The following FN3K variants were observed in gnomAD, a reference collection of about 807,000 sequenced individuals.
FN3K encodes the protein fructosamine 3 kinase, also known as fructosamine-3-kinase.
In FN3K, 24 loss-of-function variants were observed where a neutral mutation model predicts 24.8. That is an observed-to-expected ratio of 0.97 (90% CI 0.70 to 1.36). FN3K has a LOEUF of 1.36. FN3K is among the 40% of genes most tolerant of loss of function. FN3K has a pLI of 0.00. For synonymous variants in FN3K, 192 were observed against 175.2 expected (o/e 1.10, Z -0.76); for missense variants, 449 against 416.7 (o/e 1.08, Z -0.67).
chr17:82,746,927 C>T (rs112964299), intron 4 of FN3K, among the ~76,000 whole-genome samples: 24,617 of 151,864 alleles, frequency 0.16, 2,272 homozygotes, highest in South Asian at 0.29. Flanking sequence ...TGGGTTCAAG[C>T]GATTCTCCTG....
intron 4 of FN3K, chr17:82,742,799 G>C (rs1413421184): frequency 2.3e-6 from 1 of 443,466 alleles, no homozygotes; most frequent in East Asian, 7.1e-5. Flanking sequence ...CAAAGTCACT[G>C]CTTCTTGAAG....
In FN3K at chr17:82,738,528, G is replaced by A. The variant is rs1382189375; in HGVS notation, c.181G>A (p.Ala61Thr). Residue 61 changes from alanine to threonine, a missense_variant, in exon 2 of 6, where the codon GCC (alanine) becomes ACC (threonine). Coordinates refer to ENST00000300784, the MANE Select transcript of FN3K (RefSeq NM_022158.4). ...TGAGGGGGAGGTGGCCAGCCTGGAGGCCCTCAGGAGCACGGGCCTGGTGCG... is the reference window on the plus strand; with the variant it reads ...TGAGGGGGAGGTGGCCAGCCTGGAGACCCTCAGGAGCACGGGCCTGGTGCG... ...MFEGEVASLEALRSTGLVRVP... is the reference protein window; with the variant it reads ...MFEGEVASLETLRSTGLVRVP... 2 of 1,612,144 alleles carry A rather than the reference G, an allele frequency of 1.2e-6. No individual in the cohort carries two copies. The highest frequency in any genetic ancestry group is 2.7e-5 in the African/African-American group (2 of 74,892).
rs750259787 is a variant in FN3K, at chr17:82,748,893, C to G, written c.507C>G (p.Ala169=). The change falls in exon 5 of 6, where the codon GCC becomes GCG. Residue 169 remains alanine, a synonymous_variant. Transcript: ENST00000300784. The stretch of plus-strand genomic sequence containing the variant: ...AGGATGACTGGCCGACCTTTTTCGC[C>G]CGGCACCGGCTCCAGGCGCAGCTGG... ...EWQDDWPTFF[A]RHRLQAQLDL... 1 of 1,613,774 alleles carries G rather than the reference C, an allele frequency of 6.2e-7. No homozygotes were observed. Among genetic ancestry groups the G allele is most frequent in the Admixed American group, 1.7e-5 (1 of 60,022 alleles).
In FN3K at chr17:82,735,763, A is replaced by G; in HGVS notation, c.127A>G (p.Asn43Asp). The G allele has an allele frequency of 6.4e-7, 1 of 1,564,102 alleles. No individual in the cohort carries two copies. The highest frequency in any genetic ancestry group is 8.6e-7 in the Non-Finnish European group (1 of 1,156,330). Reference protein sequence around the residue: ...TDAGPVFVKVNRRTQARQMFE... With the variant: ...TDAGPVFVKVDRRTQARQMFE... ...CGCAGGCCCAGTGTTCGTCAAAGTC[A>G]ACCGCAGGACGCAGGTGCTGGCCCG... The change falls in exon 1 of 6, where the codon AAC (asparagine) becomes GAC (aspartate). Residue 43 changes from asparagine (N) to aspartate (D), a missense_variant. Asn to Asp is a conservative substitution (Grantham distance 23). Coordinates refer to ENST00000300784, the MANE Select transcript of FN3K (RefSeq NM_022158.4).
chr17:82,746,093 CAAAAAA>C (rs373867732), intron 4 of FN3K, among the ~76,000 whole-genome samples: 1 of 117,822 alleles, frequency 8.5e-6, no homozygotes, highest in Non-Finnish European at 1.7e-5. Flanking sequence ...GACTCCGTCT[CAAAAAA>C]AAAAAAAAAA....
chr17:82,747,759 A>T (rs1213643323), intron 4 of FN3K, among the ~76,000 whole-genome samples: 2 of 152,014 alleles, frequency 1.3e-5, no homozygotes, highest in Non-Finnish European at 2.9e-5. Context: ...TTCTCAATTT[A>T]TTGAGATCTG....
intron 4 of FN3K, among the ~76,000 whole-genome samples, chr17:82,744,019 G>T (rs1196514563): frequency 2.0e-5 from 3 of 152,268 alleles, no homozygotes; most frequent in Non-Finnish European, 4.4e-5. Flanking sequence ...GAGCTCAGAC[G>T]CTGGGAGCTT....
chr17:82,746,959 G>C (rs1304483066), intron 4 of FN3K, among the ~76,000 whole-genome samples: 1 of 151,912 alleles, frequency 6.6e-6, no homozygotes, highest in Non-Finnish European at 1.5e-5. Flanking sequence ...CAAGCAGCTG[G>C]GACTACAGGC....
chr17:82,735,836 A>G lies in FN3K; in HGVS notation c.141+59A>G, dbSNP rs2046897366. ...GTCTCTGCGGGGCCTGGGAAGGCGG[A>G]GGGGTCGGGGGCAGGCGCATTTCCT... On this transcript the variant is annotated intron_variant, in intron 1 of 5. Coordinates refer to ENST00000300784, the MANE Select transcript of FN3K (RefSeq NM_022158.4). The G allele has an allele frequency of 2.7e-5, 37 of 1,347,066 alleles. No individual in the cohort carries two copies. The South Asian group carries it at 3.8e-4, about 14-fold the overall frequency. 83.4% of individuals were successfully genotyped at this position (1,347,066 alleles called of 1,614,324 possible). A position where few individuals can be genotyped will look rare whatever the true frequency, so the allele number is the denominator to read the frequency against.
Position 82,738,539 on chromosome 17 carries a change from C to G in FN3K, c.192C>G (p.Ser64Arg), listed in dbSNP as rs1366904486. The change falls in exon 2 of 6, where the codon AGC (serine) becomes AGG (arginine). Residue 64 changes from serine to arginine, a missense_variant. Physicochemically the swap from Ser to Arg is moderately radical, Grantham distance 110 (BLOSUM62 -1). Transcript: ENST00000300784. ...GEVASLEALR[S>R]TGLVRVPRPM... ...TGGCCAGCCTGGAGGCCCTCAGGAG[C>G]ACGGGCCTGGTGCGGGTGCCGAGGC... 1.2e-6 allele frequency: 2 copies of G among 1,612,608 alleles called. No individual in the cohort carries two copies. The highest frequency in any genetic ancestry group is 1.7e-6 in the Non-Finnish European group (2 of 1,179,360).
intron 5 of FN3K, chr17:82,749,997 G>C (rs985452549): frequency 6.3e-5 from 14 of 222,848 alleles, no homozygotes; most frequent in Non-Finnish European, 1.2e-4. Context: ...GGCGGAGGTT[G>C]CAGTGAGCCG....
rs768699900 is a variant in FN3K at position 82,750,581 on chromosome 17, TG to T, written c.762del (p.Phe255SerfsTer32). The part of the protein sequence containing the change: ...EFELAIALMF[G>X]GFPRSFFTAY... ...TTGAACTGGCAATCGCCTTGATGTTTGGGGGGTTCCCCAGATCCTTCTTCAC... is the reference window on the plus strand; with the variant it reads ...TTGAACTGGCAATCGCCTTGATGTTTGGGGGTTCCCCAGATCCTTCTTCAC... On this transcript the variant is annotated frameshift_variant, in exon 6 of 6. Coordinates refer to ENST00000300784, the MANE Select transcript of FN3K (RefSeq NM_022158.4). LOFTEE classifies it low-confidence loss of function (END_TRUNC). 1.2e-6 allele frequency: 2 copies of T among 1,614,164 alleles called. No homozygotes were observed. Among genetic ancestry groups the T allele is most frequent in the Admixed American group, 1.7e-5 (1 of 60,034 alleles).
chr17:82,748,032 A>AT (rs1182480342), intron 4 of FN3K, among the ~76,000 whole-genome samples: 2 of 152,054 alleles, frequency 1.3e-5, no homozygotes, highest in Non-Finnish European at 2.9e-5. Context: ...AGGTGTAGGC[A>AT]TTTAGGATTA....
intron 1 of FN3K, chr17:82,736,542 A>C (rs1446575730): frequency 2.0e-5 from 3 of 152,768 alleles, no homozygotes; most frequent in Non-Finnish European, 4.4e-5. Flanking sequence ...GTCTCAAAAA[A>C]AAAAAAGTAT....
rs1471610897 is a variant in FN3K, at chr17:82,735,694, C to T, written c.58C>T (p.Pro20Ser). The T allele has an allele frequency of 2.1e-5, 33 of 1,544,144 alleles. No homozygotes were observed. The highest frequency in any genetic ancestry group is 2.8e-5 in the Non-Finnish European group (32 of 1,147,428). Residue 20 changes from proline to serine, a missense_variant, in exon 1 of 6, where the codon CCC (proline) becomes TCC (serine). Transcript: ENST00000300784. ...RTATLRAFGG[P>S]GAGCISEGRA... ...CGCGACCCTGCGGGCCTTCGGCGGC[C>T]CCGGCGCCGGCTGCATCAGCGAGGG...
In FN3K at chr17:82,748,932, G is replaced by C. The variant is rs865800184; in HGVS notation, c.546G>C (p.Lys182Asn). ...RLQAQLDLIEKDYADREAREL... is the reference protein window; with the variant it reads ...RLQAQLDLIENDYADREAREL... The stretch of plus-strand genomic sequence containing the variant: ...AGGCGCAGCTGGACCTCATTGAGAA[G>C]GACTATGCTGACCGAGAGGCACGAG... Residue 182 changes from lysine to asparagine, a missense_variant, in exon 5 of 6, where the codon AAG becomes AAC. Physicochemically the swap from Lys to Asn is moderately conservative, Grantham distance 94. Transcript: ENST00000300784. 1 of 1,614,206 alleles carries C rather than the reference G, an allele frequency of 6.2e-7. No individual in the cohort carries two copies. The highest frequency in any genetic ancestry group is 8.5e-7 in the Non-Finnish European group (1 of 1,180,050).
In FN3K at chr17:82,749,892, T is replaced by C. The variant is rs187076684; in HGVS notation, c.592-525T>C. The C allele has an allele frequency of 3.9e-5, 7 of 179,472 alleles. No homozygotes were observed. In the East Asian group the frequency reaches 1.0e-3, roughly 26 times the overall value. The allele number at this position is 179,472 out of a possible 1,614,324, so 11.1% of individuals were successfully genotyped here. The stretch of plus-strand genomic sequence containing the variant: ...GGCCAATATGGTGAAACCCCATCTC[T>C]ACTAAAAATACAAAAATTAGCCGGG... On this transcript the variant is annotated intron_variant, in intron 5 of 5. Transcript: ENST00000300784.
chr17:82,739,199 C>T (rs1250611901), intron 2 of FN3K, among the ~76,000 whole-genome samples: 5 of 151,926 alleles, frequency 3.3e-5, no homozygotes, highest in East Asian at 1.9e-4. Context: ...CCACCCACCT[C>T]GGCTTCCCAA....
At chr17:82,743,018 T>C (rs1391401745) in intron 4 of FN3K, among the ~76,000 whole-genome samples, 4 of 152,092 alleles carry the variant, frequency 2.6e-5, no homozygotes, top group African/African-American at 9.7e-5. Flanking sequence ...GAACTGCACA[T>C]GGAGCTTACC....
Sources: allele counts gnomAD v4.1 joint callset (sites outside exome capture counted in the v4.1 genomes callset), GRCh38; gene constraint gnomAD v4.1.1; transcripts MANE v1.5; gene names NCBI Gene and HGNC (gene_info 2026-07-23, HGNC 2026-07-21).